LRP6: variants seen among roughly 807,000 people sequenced by gnomAD.
LRP6 encodes the protein LDL receptor related protein 6.
Under a neutral mutation model 184.1 loss-of-function variants are expected in LRP6, and 43 were observed. That is an observed-to-expected ratio of 0.23 (90% CI 0.18 to 0.30). LRP6 has a LOEUF of 0.30. Ranked by LOEUF, LRP6 falls within the 10% of genes least tolerant of loss-of-function variation. The probability of loss-of-function intolerance (pLI) is 1.00; values close to 1 mark genes in which losing one functional copy is unlikely to be tolerated. For missense variants in LRP6, 1,571 were observed against 2,005.3 expected, an observed-to-expected ratio of 0.78 and a Z score of 4.14; for synonymous variants, 719 against 684.9, an observed-to-expected ratio of 1.05 and a Z score of -0.78.
rs1565518863 is a variant in LRP6, at chr12:12,119,995, ATATATATATAT to A, written c.*1120_*1130del. 5.8e-5 allele frequency: 1 copy of A among 17,218 alleles called. No individual in the cohort carries two copies. Among genetic ancestry groups the A allele is most frequent in the East Asian group, 2.6e-3 (1 of 386 alleles). The allele number at this position is 17,218 out of a possible 1,614,324, so 1.1% of individuals were successfully genotyped here. A position where few individuals can be genotyped will look rare whatever the true frequency, so the allele number is the denominator to read the frequency against. On this transcript the variant is annotated 3_prime_UTR_variant, in exon 23 of 23. Transcript: ENST00000261349. ...GAAAACAAACAAACAAACAAAATAT[ATATATATATAT>A]ATATATATATATATATATATATATA...
At chr12:12,266,371 G>C (rs1865761632) in intron 1 of LRP6, among the ~76,000 whole-genome samples, 1 of 152,154 alleles carries the variant, frequency 6.6e-6, no homozygotes, top group Non-Finnish European at 1.5e-5. Flanking sequence ...CCCAGGCAGA[G>C]AGAGGCACAC....
At chr12:12,244,165 C>G (rs981516198) in intron 2 of LRP6, 97 bp downstream of exon 2, 2 of 1,224,998 alleles carry the variant, frequency 1.6e-6, no homozygotes, top group Non-Finnish European at 2.4e-6. Context: ...TTCCTGTTTT[C>G]GATCTTTCTT....
At chr12:12,237,261 T>C (rs1464403601) in intron 2 of LRP6, among the ~76,000 whole-genome samples, 1 of 152,130 alleles carries the variant, frequency 6.6e-6, no homozygotes, top group Non-Finnish European at 1.5e-5. Context: ...TGAGACCAAA[T>C]ATATTTTCAC....
chr12:12,145,624 C>CTTTTTTTTTTTTTTTT (rs1157764946), intron 15 of LRP6, among the ~76,000 whole-genome samples: 3 of 80,310 alleles, frequency 3.7e-5, no homozygotes, highest in Non-Finnish European at 7.9e-5. Flanking sequence ...TTTTCTTTTT[C>CTTTTTTTTTTTTTTTT]TTTTTTTTTT....
intron 9 of LRP6, among the ~76,000 whole-genome samples, chr12:12,164,022 C>T (rs1034681427): frequency 2.0e-5 from 3 of 151,452 alleles, no homozygotes; most frequent in Admixed American, 6.6e-5. Flanking sequence ...CCTAGCTGCT[C>T]GGGAGGCTGA....
intron 2 of LRP6, among the ~76,000 whole-genome samples, chr12:12,213,681 G>A (rs950461892): frequency 6.6e-6 from 1 of 151,910 alleles, no homozygotes; most frequent in Non-Finnish European, 1.5e-5. Flanking sequence ...ATGAGATACT[G>A]ATATAAACTG....
chr12:12,152,453 ATTTT>A (rs1028429726), intron 12 of LRP6, among the ~76,000 whole-genome samples: 1 of 151,876 alleles, frequency 6.6e-6, no homozygotes, highest in Admixed American at 6.6e-5. Flanking sequence ...TGCCCAGCTA[ATTTT>A]TTTAATTTTA....
intron 1 of LRP6, among the ~76,000 whole-genome samples, chr12:12,263,401 C>T (rs1467167923): frequency 6.6e-6 from 1 of 151,464 alleles, no homozygotes; most frequent in Non-Finnish European, 1.5e-5. Context: ...CAGTGAAACC[C>T]CGTCTCTACT....
chr12:12,177,781 C>T (rs561290248), intron 7 of LRP6, among the ~76,000 whole-genome samples: 19 of 151,716 alleles, frequency 1.3e-4, no homozygotes, highest in Non-Finnish European at 2.4e-4. Flanking sequence ...AAAAAGGGGA[C>T]AAAAAACAAA....
chr12:12,218,046 T>C (rs1034921647), intron 2 of LRP6, among the ~76,000 whole-genome samples: 7 of 152,136 alleles, frequency 4.6e-5, no homozygotes, highest in African/African-American at 1.4e-4. Context: ...AAAACTCCAT[T>C]ATATGTGTGT....
At chr12:12,180,313 C>T (rs1307126227) in intron 6 of LRP6, among the ~76,000 whole-genome samples, 4 of 141,682 alleles carry the variant, frequency 2.8e-5, no homozygotes, top group African/African-American at 1.1e-4. Context: ...TCCTTGATGG[C>T]TTGTCATCTC....
chr12:12,181,459 T>C lies in LRP6; in HGVS notation c.977-20A>G, dbSNP rs780309731. On this transcript the variant is annotated intron_variant, in intron 5 of 22. Coordinates refer to ENST00000261349, the MANE Select transcript of LRP6 (RefSeq NM_002336.3). ...TGGCACCTAGAACAACAAAGTGAAATGAAGAATACTTTGAAACCCAGAGGT... is the reference window on the plus strand; with the variant it reads ...TGGCACCTAGAACAACAAAGTGAAACGAAGAATACTTTGAAACCCAGAGGT... 3 of 1,010,508 alleles carry C rather than the reference T, an allele frequency of 3.0e-6. No individual in the cohort carries two copies. Among genetic ancestry groups the C allele is most frequent in the Admixed American group, 1.7e-5 (1 of 59,284 alleles). 62.6% of individuals were successfully genotyped at this position (1,010,508 alleles called of 1,614,324 possible).
In LRP6 at chr12:12,121,397, T is replaced by G. The variant is rs781189179; in HGVS notation, c.4571A>C (p.His1524Pro). 8 of 1,613,966 alleles carry G rather than the reference T, an allele frequency of 5.0e-6. No individual in the cohort carries two copies. The highest frequency in any genetic ancestry group is 6.8e-6 in the Non-Finnish European group (8 of 1,179,976). Residue 1524 changes from histidine to proline, a missense_variant, in exon 23 of 23, where the codon CAC becomes CCC. By Grantham distance (77) the His-to-Pro change is moderately conservative. Around this residue, in one of 4 missense-constraint regions of LRP6, gnomAD observed 763 missense variants for 859.5 expected, o/e 0.89. Transcript: ENST00000261349. ...SYSYRPYSYR[H>P]FAPPTTPCST... ...GCAGGGTGTGGTGGGGGGTGCAAAG[T>G]GCCGGTAGCTATATGGCCTGTAGCT...
chr12:12,202,702 G>A (rs1431455029), intron 3 of LRP6, among the ~76,000 whole-genome samples: 1 of 152,116 alleles, frequency 6.6e-6, no homozygotes, highest in East Asian at 1.9e-4. Flanking sequence ...AGAAAATCTT[G>A]GCCAAACCCC....
intron 2 of LRP6, among the ~76,000 whole-genome samples, chr12:12,205,329 C>CAAAAAAAAAAA (rs56169717): frequency 2.0e-4 from 8 of 39,096 alleles, no homozygotes; most frequent in African/African-American, 3.0e-4. Flanking sequence ...CTCAAACAAA[C>CAAAAAAAAAAA]AAAAAAAAAA....
intron 7 of LRP6, among the ~76,000 whole-genome samples, chr12:12,177,148 CCAAA>C (rs1398032667): frequency 1.3e-5 from 2 of 151,990 alleles, no homozygotes; most frequent in East Asian, 3.8e-4. Context: ...GCCCGGCCAA[CCAAA>C]CAGACTCTTA....
chr12:12,219,786 T>A (rs574965659), intron 2 of LRP6, among the ~76,000 whole-genome samples: 14 of 152,270 alleles, frequency 9.2e-5, no homozygotes, highest in Non-Finnish European at 1.5e-4. Context: ...GCTTTCCACA[T>A]CTCTCTCCTA....
chr12:12,207,495 C>A (rs1316721152), intron 2 of LRP6, among the ~76,000 whole-genome samples: 1 of 152,002 alleles, frequency 6.6e-6, no homozygotes, highest in Admixed American at 6.6e-5. Context: ...GATTGCACCA[C>A]CGCACTTTTG....
chr12:12,254,143 CAAAAAAAAAA>C (rs34210761), intron 1 of LRP6, among the ~76,000 whole-genome samples: 193 of 74,372 alleles, frequency 2.6e-3, no homozygotes, highest in African/African-American at 9.8e-3. Flanking sequence ...GACTCTGTCT[CAAAAAAAAAA>C]AAAAAAAAAA....
Sources: allele counts gnomAD v4.1 joint callset (sites outside exome capture counted in the v4.1 genomes callset), GRCh38; gene constraint gnomAD v4.1.1; regional missense constraint gnomAD v4.1.1; transcripts MANE v1.5; gene names NCBI Gene and HGNC (gene_info 2026-07-23, HGNC 2026-07-21).